TPRG1: variants seen among roughly 807,000 people sequenced by gnomAD.
The protein encoded by TPRG1 is tumor protein p63-regulated gene 1 protein.
In TPRG1, 29 loss-of-function variants were observed where a neutral mutation model predicts 29.3. The ratio of observed to expected loss-of-function variants is 0.99; its 90% CI spans 0.74 to 1.35. TPRG1 has a LOEUF of 1.35. Among genes scored for constraint, TPRG1 ranks in the 40% most tolerant of loss-of-function variants. The pLI is 0.00. For missense variants in TPRG1, 327 were observed against 335.0 expected, an observed-to-expected ratio of 0.98 and a Z score of 0.19; for synonymous variants, 130 against 116.8, an observed-to-expected ratio of 1.11 and a Z score of -0.73.
intron 1 of TPRG1, among the ~76,000 whole-genome samples, chr3:189,104,138 C>A (rs899409675): frequency 6.6e-5 from 10 of 152,074 alleles, no homozygotes; most frequent in African/African-American, 2.4e-4. Context: ...CCCATGGTAG[C>A]TCCTGGTAGA....
intron 1 of TPRG1, among the ~76,000 whole-genome samples, chr3:189,187,203 G>T (rs1578724418): frequency 1.3e-5 from 2 of 151,934 alleles, no homozygotes; most frequent in Non-Finnish European, 2.9e-5. Flanking sequence ...GCCCAGGCTG[G>T]TCTCAAACCA....
At chr3:189,097,407 T>C (rs1268387119), upstream of TPRG1, among the ~76,000 whole-genome samples, 1 of 152,236 alleles carries the variant, frequency 6.6e-6, no homozygotes, top group African/African-American at 2.4e-5. Context: ...CTGTCAGTCA[T>C]TCTTCCAAAT....
intron 1 of TPRG1, among the ~76,000 whole-genome samples, chr3:189,187,177 G>A (rs1349104121): frequency 2.0e-5 from 3 of 151,870 alleles, no homozygotes; most frequent in Non-Finnish European, 2.9e-5. Context: ...TGGTAGAGAC[G>A]GGGTTTTGCC....
chr3:189,178,419 C>T (rs987786899), intron 1 of TPRG1, among the ~76,000 whole-genome samples: 2 of 152,178 alleles, frequency 1.3e-5, no homozygotes, highest in African/African-American at 2.4e-5. Flanking sequence ...GTCCCAGCTA[C>T]TCGCAAGGCT....
chr3:189,268,468 G>A (rs1576905558), intron 4 of TPRG1, among the ~76,000 whole-genome samples: 1 of 152,198 alleles, frequency 6.6e-6, no homozygotes, highest in Non-Finnish European at 1.5e-5. Context: ...TGGTTGCCAG[G>A]AGGTTATATT....
upstream of TPRG1, among the ~76,000 whole-genome samples, chr3:189,099,280 T>A (rs1177691509): frequency 6.6e-6 from 1 of 152,144 alleles, no homozygotes; most frequent in African/African-American, 2.4e-5. Context: ...AGATGAAATA[T>A]GCCCTGGAGG....
chr3:189,206,050 T>G (rs1734289898), intron 1 of TPRG1, among the ~76,000 whole-genome samples: 1 of 147,782 alleles, frequency 6.8e-6, no homozygotes, highest in Non-Finnish European at 1.5e-5. Context: ...CTTCCTTTCT[T>G]CTGTCTTTCT....
At chr3:189,152,586 A>C (rs1408194967) in intron 5 of TPRG1, among the ~76,000 whole-genome samples, 1 of 152,044 alleles carries the variant, frequency 6.6e-6, no homozygotes, top group Non-Finnish European at 1.5e-5. Context: ...ACCAGCCATT[A>C]TTATTAAAAA....
At chr3:189,045,587 C>T (rs1041603174) in intron 4 of TPRG1, among the ~76,000 whole-genome samples, 1 of 152,172 alleles carries the variant, frequency 6.6e-6, no homozygotes, top group African/African-American at 2.4e-5. Context: ...CTGTACAGTG[C>T]AAAATATCTG....
intron 2 of TPRG1, among the ~76,000 whole-genome samples, chr3:189,211,274 A>G (rs1350045560): frequency 6.6e-6 from 1 of 152,156 alleles, no homozygotes; most frequent in African/African-American, 2.4e-5. Context: ...TTACTGTTTA[A>G]ATGTTTTAAA....
intron 3 of TPRG1, among the ~76,000 whole-genome samples, chr3:189,138,819 A>G (rs185932345): frequency 3.3e-4 from 50 of 152,306 alleles, no homozygotes; most frequent in Non-Finnish European, 6.2e-4. Flanking sequence ...TGCATATAAG[A>G]TAGAACTTGA....
At chr3:189,280,980 T>C (rs1417639963) in intron 4 of TPRG1, among the ~76,000 whole-genome samples, 2 of 152,172 alleles carry the variant, frequency 1.3e-5, no homozygotes, top group African/African-American at 2.4e-5. Context: ...AGGAGAAGAA[T>C]GATGGCAAGC....
chr3:189,175,831 G>T (rs1729419832), intron 1 of TPRG1, among the ~76,000 whole-genome samples: 1 of 152,214 alleles, frequency 6.6e-6, no homozygotes, highest in Non-Finnish European at 1.5e-5. Context: ...TATTCCTCTG[G>T]GTTATCTGAA....
chr3:189,214,962 A>ATTTT lies in TPRG1; in HGVS notation c.211-330_211-329insTTTT. Reference sequence around the variant, plus strand: ...TAGGAAGAGAAAAAAGGTTTAATTTAAAAATGTACAGATTCCTAAAGGCTT... The same window carrying ATTTT: ...TAGGAAGAGAAAAAAGGTTTAATTTATTTTAAAATGTACAGATTCCTAAAGGCTT... On this transcript the variant is annotated intron_variant, in intron 2 of 5. Coordinates refer to ENST00000345063, the MANE Select transcript of TPRG1 (RefSeq NM_198485.4). Among the ~76,000 whole-genome samples, 258 of 146,860 alleles carry ATTTT rather than the reference A, an allele frequency of 1.8e-3. 3 individuals are homozygous for ATTTT. The highest frequency in any genetic ancestry group is 3.6e-3 in the South Asian group (16 of 4,470).
intron 1 of TPRG1, among the ~76,000 whole-genome samples, chr3:189,199,084 C>T (rs188938481): frequency 1.3e-5 from 2 of 152,234 alleles, no homozygotes; most frequent in East Asian, 3.9e-4. Context: ...GTGAGATGCC[C>T]AGCTCTCCAC....
chr3:189,032,332 C>T (rs1245723010), intron 4 of TPRG1, among the ~76,000 whole-genome samples: 3 of 152,150 alleles, frequency 2.0e-5, no homozygotes, highest in Non-Finnish European at 4.4e-5. Flanking sequence ...TCCCCTAGGG[C>T]CTCCAGAAAG....
intron 3 of TPRG1, among the ~76,000 whole-genome samples, chr3:189,145,238 T>G (rs1172907903): frequency 6.6e-6 from 1 of 151,802 alleles, no homozygotes; most frequent in African/African-American, 2.4e-5. Context: ...GGCAGGCGCC[T>G]GTAATCCCAG....
chr3:189,215,945 C>A (rs1049462113), intron 3 of TPRG1, among the ~76,000 whole-genome samples: 2 of 152,108 alleles, frequency 1.3e-5, no homozygotes, highest in Admixed American at 6.5e-5. Flanking sequence ...TGCATTCCCC[C>A]CAAAGATTAT....
intron 3 of TPRG1, among the ~76,000 whole-genome samples, chr3:189,023,458 G>C (rs1214050650): frequency 6.6e-6 from 1 of 152,148 alleles, no homozygotes; most frequent in Non-Finnish European, 1.5e-5. Flanking sequence ...CTTTAACTTA[G>C]CGAAGTTTGT....
Sources: gnomAD v4.1 joint callset for allele counts (sites outside exome capture counted in the v4.1 genomes callset) on GRCh38, gnomAD v4.1.1 for gene constraint, MANE v1.5 for transcripts, NCBI Gene and HGNC (gene_info 2026-07-23, HGNC 2026-07-21) for gene names.